Variants in ANK2 observed in about 807,000 individuals in gnomAD.
ANK2 encodes ankyrin 2, also known as ankyrin-2.
A neutral mutation model predicts 360.5 loss-of-function variants in ANK2; 83 were observed. The observed-to-expected ratio is 0.23, with a 90% confidence interval of 0.19 to 0.28. The LOEUF (loss-of-function observed/expected upper bound fraction) is 0.28. ANK2 is among the 10% of genes least tolerant of loss of function. The pLI is 1.00. For missense variants in ANK2, 4,201 were observed against 4,795.7 expected (o/e 0.88, Z 3.66); for synonymous variants, 1,740 against 1,759.5 (o/e 0.99, Z 0.28).
intron 6 of ANK2, 56 bp downstream of exon 6, chr4:113,237,228 C>T (rs928675036): frequency 4.5e-6 from 7 of 1,555,210 alleles, no homozygotes; most frequent in Non-Finnish European, 6.2e-6. Flanking sequence ...CAGACTCCTC[C>T]TGGGGGATGA....
At chr4:113,114,909 C>T (rs1400473683) in intron 1 of ANK2, among the ~76,000 whole-genome samples, 2 of 152,176 alleles carry the variant, frequency 1.3e-5, no homozygotes, top group African/African-American at 4.8e-5. Flanking sequence ...GGAGGCTTAG[C>T]CACATTTCCT....
At chr4:112,930,631 G>T (rs2093109921) in intron 2 of ANK2, among the ~76,000 whole-genome samples, 1 of 152,032 alleles carries the variant, frequency 6.6e-6, no homozygotes, top group Admixed American at 6.6e-5. Context: ...GCCCATGCCT[G>T]TAATCCCAGG....
At chr4:112,826,837 G>A in intron 1 of ANK2, 1 of 1,314,742 alleles carries the variant, frequency 7.6e-7, no homozygotes, top group Non-Finnish European at 1.1e-6. Flanking sequence ...AAAGAGAATG[G>A]AACAATATGC....
In ANK2 at chr4:113,255,902, C is replaced by G; in HGVS notation, c.1158C>G (p.Asp386Glu). The change falls in exon 11 of 46, where the codon GAC becomes GAG. Residue 386 changes from aspartate (D) to glutamate (E), a missense_variant. Around this residue, in one of 4 missense-constraint regions of ANK2, gnomAD observed 1,268 missense variants for 1,650.8 expected, o/e 0.77. Transcript: ENST00000357077. ...GHYRVTKLLL[D>E]KRANPNARAL... is the part of the protein sequence containing the mutation. ...ACCGTGTAACCAAACTCCTTTTAGA[C>G]AAGAGAGCCAATCCGAACGCCAGAG... 6.2e-7 allele frequency: 1 copy of G among 1,614,218 alleles called. No homozygotes were observed. Among genetic ancestry groups the G allele is most frequent in the Non-Finnish European group, 8.5e-7 (1 of 1,180,036 alleles).
At chr4:113,258,913 A>C (rs1486922326) in intron 13 of ANK2, among the ~76,000 whole-genome samples, 1 of 152,134 alleles carries the variant, frequency 6.6e-6, no homozygotes, top group African/African-American at 2.4e-5. Context: ...CTTCAATTAC[A>C]TGGATTTCCC....
intron 2 of ANK2, among the ~76,000 whole-genome samples, chr4:112,964,166 G>A (rs1263485125): frequency 6.7e-6 from 1 of 148,818 alleles, no homozygotes; most frequent in Non-Finnish European, 1.5e-5. Flanking sequence ...CAGGCATGCA[G>A]TAAGCAATAA....
chr4:112,712,007 CTTTGTATAT>C, the ANK2 span, among the ~76,000 whole-genome samples: 1 of 149,816 alleles, frequency 6.7e-6, no homozygotes, highest in African/African-American at 2.4e-5. Flanking sequence ...TAATTGCATT[CTTTGTATAT>C]TTTTGTCAAG....
chr4:113,135,303 G>C (rs12501010), intron 1 of ANK2, among the ~76,000 whole-genome samples: 23,669 of 152,096 alleles, frequency 0.16, 2,956 homozygotes, highest in East Asian at 0.53. Flanking sequence ...GGTAATTAAA[G>C]TAAAGTGATG....
chr4:113,230,796 C>A (rs1490218747), intron 4 of ANK2, among the ~76,000 whole-genome samples: 1 of 152,122 alleles, frequency 6.6e-6, no homozygotes, highest in Non-Finnish European at 1.5e-5. Context: ...TTTTAAAAAT[C>A]TATGCCTATA....
intron 1 of ANK2, among the ~76,000 whole-genome samples, chr4:113,102,782 A>G (rs2093076315): frequency 6.6e-6 from 1 of 152,136 alleles, no homozygotes. Flanking sequence ...TAGTATCTTA[A>G]TCACATACCT....
chr4:112,886,519 C>T lies in ANK2; in HGVS notation c.-39-17936C>T, dbSNP rs543105001. ...TCTATTAAAAATACAAAAATCAGCTCGGTGTGGTGGCGCGCGCCTGTAATT... is the reference window on the plus strand; with the variant it reads ...TCTATTAAAAATACAAAAATCAGCTTGGTGTGGTGGCGCGCGCCTGTAATT... On this transcript the variant is annotated intron_variant, in intron 1 of 30. Transcript: ENST00000503271. Among the ~76,000 whole-genome samples, 4 of 151,834 alleles carry T rather than the reference C, an allele frequency of 2.6e-5. No individual in the cohort carries two copies. In the East Asian group the frequency reaches 5.8e-4, roughly 22 times the overall value.
chr4:113,309,502 G>A (rs1040280317), intron 23 of ANK2, among the ~76,000 whole-genome samples: 1 of 152,040 alleles, frequency 6.6e-6, no homozygotes, highest in Admixed American at 6.6e-5. Flanking sequence ...TGGTTTTTTT[G>A]TTTGTTTGTT....
Position 113,358,901 on chromosome 4 carries a change from C to T in ANK2, c.10283C>T (p.Ser3428Leu). 6.8e-6 allele frequency: 11 copies of T among 1,613,996 alleles called. No homozygotes were observed. The highest frequency in any genetic ancestry group is 9.3e-6 in the Non-Finnish European group (11 of 1,179,940). ...AGGGCCGAGGAACTTGAGTTAGAAT[C>T]AGAAGAAGGGGCCACAAGACCAAAG... The part of the protein sequence containing the change: ...RERAEELELE[S>L]EEGATRPKIL... The change falls in exon 38 of 46, where the codon TCA (serine) becomes TTA (leucine). Residue 3428 changes from serine to leucine, a missense_variant. Ser to Leu is a moderately radical substitution (Grantham distance 145). Coordinates refer to ENST00000357077, the MANE Select transcript of ANK2 (RefSeq NM_001148.6).
intron 22 of ANK2, among the ~76,000 whole-genome samples, chr4:113,302,102 G>C (rs2075310016): frequency 6.6e-6 from 1 of 152,190 alleles, no homozygotes; most frequent in Admixed American, 6.5e-5. Flanking sequence ...TAGGTAATAA[G>C]TGATGAAATT....
At chr4:112,767,435 T>C in the ANK2 span, among the ~76,000 whole-genome samples, 1 of 152,046 alleles carries the variant, frequency 6.6e-6, no homozygotes, top group South Asian at 2.1e-4. Context: ...GTGGCATGTG[T>C]CTGTAGTCCC....
intron 2 of ANK2, among the ~76,000 whole-genome samples, chr4:113,038,765 C>T (rs1335165701): frequency 6.6e-6 from 1 of 152,004 alleles, no homozygotes; most frequent in Non-Finnish European, 1.5e-5. Context: ...TATGTTCAAA[C>T]CACCATACAG....
the ANK2 span, among the ~76,000 whole-genome samples, chr4:112,728,614 T>G: frequency 2.0e-5 from 3 of 151,930 alleles, no homozygotes; most frequent in African/African-American, 4.8e-5. Context: ...TAGCCAGGCG[T>G]GGTGACTTGC....
At chr4:112,803,300 G>C in the ANK2 span, among the ~76,000 whole-genome samples, 1 of 152,114 alleles carries the variant, frequency 6.6e-6, no homozygotes, top group Non-Finnish European at 1.5e-5. Context: ...TAAGGATCTT[G>C]ATATGGCAAG....
intron 2 of ANK2, among the ~76,000 whole-genome samples, chr4:113,177,915 T>C (rs2098276417): frequency 2.0e-5 from 3 of 152,240 alleles, no homozygotes; most frequent in Admixed American, 2.0e-4. Context: ...TCAATGCTTA[T>C]ACCCCTGGGT....
Sources: allele counts gnomAD v4.1 joint callset (sites outside exome capture counted in the v4.1 genomes callset), GRCh38; gene constraint gnomAD v4.1.1; regional missense constraint gnomAD v4.1.1; transcripts MANE v1.5; gene names NCBI Gene and HGNC (gene_info 2026-07-23, HGNC 2026-07-21).